Variants in EXOC6B observed in about 807,000 individuals in gnomAD.
EXOC6B encodes the protein exocyst complex component 6B, also known as SEC15 homolog B.
In EXOC6B, 54 loss-of-function variants were observed where a neutral mutation model predicts 113.5. The observed-to-expected ratio is 0.48, with a 90% CI of 0.38 to 0.60. EXOC6B has a LOEUF of 0.60. EXOC6B is among the 20% of genes least tolerant of loss of function. The pLI is 0.00. For missense variants in EXOC6B, 797 were observed against 977.5 expected (o/e 0.82, Z 2.46); for synonymous variants, 357 against 339.0 (o/e 1.05, Z -0.58).
chr2:72,646,671 A>G (rs1358835582), intron 6 of EXOC6B, among the ~76,000 whole-genome samples: 2 of 152,224 alleles, frequency 1.3e-5, no homozygotes, highest in Non-Finnish European at 2.9e-5. Context: ...AACGTAATCC[A>G]TCACATAAAC....
At chr2:72,523,873 A>G (rs565628111) in intron 8 of EXOC6B, among the ~76,000 whole-genome samples, 1 of 150,460 alleles carries the variant, frequency 6.6e-6, no homozygotes, top group South Asian at 2.1e-4. Context: ...AGACATTGGT[A>G]TGGGGTCTAT....
intron 6 of EXOC6B, among the ~76,000 whole-genome samples, chr2:72,660,045 T>C (rs114779509): frequency 0.022 from 3,414 of 151,954 alleles, 130 homozygotes; most frequent in African/African-American, 0.077. Context: ...GGTATGATCG[T>C]CTGTTGTACT....
chr2:72,322,881 A>C (rs1687914651), intron 20 of EXOC6B, among the ~76,000 whole-genome samples: 1 of 152,196 alleles, frequency 6.6e-6, no homozygotes, highest in Non-Finnish European at 1.5e-5. Context: ...TAAAAGCATA[A>C]AAATCCTAGA....
chr2:72,407,506 C>T (rs1693858677), intron 18 of EXOC6B, among the ~76,000 whole-genome samples: 1 of 152,034 alleles, frequency 6.6e-6, no homozygotes, highest in Non-Finnish European at 1.5e-5. Context: ...ACATCAAAAA[C>T]TTATACACCA....
intron 19 of EXOC6B, among the ~76,000 whole-genome samples, chr2:72,375,842 T>G (rs1691325246): frequency 1.3e-5 from 2 of 152,232 alleles, no homozygotes; most frequent in African/African-American, 4.8e-5. Context: ...GCTAGGCATC[T>G]GTTAACATAG....
intron 18 of EXOC6B, among the ~76,000 whole-genome samples, chr2:72,436,239 G>A (rs1161839474): frequency 6.6e-6 from 1 of 152,178 alleles, no homozygotes; most frequent in African/African-American, 2.4e-5. Context: ...ACTCTCTTCT[G>A]GATTGTAGGG....
chr2:72,514,564 G>A (rs1701108633), intron 10 of EXOC6B, 70 bp downstream of exon 10: 2 of 256,114 alleles, frequency 7.8e-6, no homozygotes, highest in Non-Finnish European at 1.4e-5. Context: ...TGTATGGAAA[G>A]AGTATAAATT....
Position 72,422,033 on chromosome 2 carries a change from G to A in EXOC6B, c.1981-42163C>T, listed in dbSNP as rs1000084918. On this transcript the variant is annotated intron_variant, in intron 18 of 21. Coordinates refer to ENST00000272427, the MANE Select transcript of EXOC6B (RefSeq NM_015189.3). ...GTGCCAGCCCACCGGTGCTGCGCTC[G>A]ATTTCTCACTGAGCCTTAGCTGCCT... Among the ~76,000 whole-genome samples the A allele has an allele frequency of 1.2e-4, 19 of 152,332 alleles. No individual in the cohort carries two copies. In the East Asian group the frequency reaches 2.5e-3, roughly 20 times the overall value.
chr2:72,456,892 G>C (rs1330133893), intron 18 of EXOC6B, among the ~76,000 whole-genome samples: 1 of 152,012 alleles, frequency 6.6e-6, no homozygotes, highest in Admixed American at 6.6e-5. Flanking sequence ...ATCTGGTTAG[G>C]AGAACTGGTA....
At chr2:72,620,127 G>C (rs1346712106) in intron 6 of EXOC6B, among the ~76,000 whole-genome samples, 1 of 152,210 alleles carries the variant, frequency 6.6e-6, no homozygotes, top group African/African-American at 2.4e-5. Context: ...CTATCTTCTG[G>C]GTCAGAGGTC....
At chr2:72,325,670 A>G (rs900819935) in intron 20 of EXOC6B, among the ~76,000 whole-genome samples, 6 of 151,962 alleles carry the variant, frequency 3.9e-5, no homozygotes, top group African/African-American at 1.4e-4. Context: ...AAGAACCCTC[A>G]AAGAGGTCCA....
chr2:72,418,762 C>G (rs539812493), intron 18 of EXOC6B, among the ~76,000 whole-genome samples: 2 of 152,184 alleles, frequency 1.3e-5, no homozygotes, highest in South Asian at 4.2e-4. Flanking sequence ...ATCCATTCTG[C>G]CAAACTCTGT....
chr2:72,364,422 G>A (rs1487393775), intron 19 of EXOC6B, among the ~76,000 whole-genome samples: 1 of 152,068 alleles, frequency 6.6e-6, no homozygotes, highest in African/African-American at 2.4e-5. Context: ...GTTATTCGTG[G>A]ACTGTCAAGC....
intron 6 of EXOC6B, among the ~76,000 whole-genome samples, chr2:72,691,043 G>A (rs1408211324): frequency 6.6e-6 from 1 of 152,070 alleles, no homozygotes; most frequent in African/African-American, 2.4e-5. Flanking sequence ...AGGATGGTTT[G>A]AGCTCTGGAG....
intron 20 of EXOC6B, among the ~76,000 whole-genome samples, chr2:72,316,246 G>A (rs1411193242): frequency 6.6e-6 from 1 of 152,174 alleles, no homozygotes; most frequent in Non-Finnish European, 1.5e-5. Flanking sequence ...CAAGTATTTA[G>A]TCTAAAAAGT....
At chr2:72,595,337 GAACA>G (rs1411310719) in intron 6 of EXOC6B, among the ~76,000 whole-genome samples, 1 of 146,130 alleles carries the variant, frequency 6.8e-6, no homozygotes, top group Non-Finnish European at 1.5e-5. Context: ...AGAAGAAAAT[GAACA>G]AAAAGGAAAG....
chr2:72,199,063 C>T (rs1356434368), intron 20 of EXOC6B, among the ~76,000 whole-genome samples: 1 of 152,126 alleles, frequency 6.6e-6, no homozygotes, highest in Non-Finnish European at 1.5e-5. Flanking sequence ...CTAAGGGAAC[C>T]ACATGAAGAG....
Position 72,725,283 on chromosome 2 carries a change from T to A in EXOC6B, c.464+5724A>T, listed in dbSNP as rs142057858. ...GAAATCATCATGTCTTATAAACTAA[T>A]GAAACTATAAACCTCAAATTCTATA... On this transcript the variant is annotated intron_variant, in intron 5 of 21. Transcript: ENST00000272427. Among the ~76,000 whole-genome samples the A allele has an allele frequency of 6.2e-4, 95 of 152,298 alleles. 1 individual carries two copies. The East Asian group carries it at 0.016, about 26-fold the overall frequency.
chr2:72,239,693 C>T (rs1311541039), intron 20 of EXOC6B, among the ~76,000 whole-genome samples: 1 of 152,106 alleles, frequency 6.6e-6, no homozygotes, highest in Non-Finnish European at 1.5e-5. Flanking sequence ...TCAATTTCTG[C>T]AAATAAGTTA....
Sources: gnomAD v4.1 joint callset for allele counts (sites outside exome capture counted in the v4.1 genomes callset) on GRCh38, gnomAD v4.1.1 for gene constraint, MANE v1.5 for transcripts, NCBI Gene and HGNC (gene_info 2026-07-23, HGNC 2026-07-21) for gene names.